The following PMPCB variants were observed in gnomAD, a reference collection of about 807,000 sequenced individuals.
The protein encoded by PMPCB is peptidase, mitochondrial processing subunit beta.
A neutral mutation model predicts 61.5 loss-of-function variants in PMPCB; 46 were observed. The observed-to-expected ratio is 0.75, with a 90% confidence interval of 0.59 to 0.96. The LOEUF (loss-of-function observed/expected upper bound fraction) is 0.96. Among genes scored for constraint, PMPCB ranks in the 40% least tolerant of loss-of-function variants. The pLI is 0.00. For synonymous variants in PMPCB, 191 were observed against 201.6 expected (o/e 0.95, Z 0.44); for missense variants, 590 against 602.4 (o/e 0.98, Z 0.22).
chr7:103,328,645 G>C (rs1237902970), intron 12 of PMPCB, among the ~76,000 whole-genome samples: 1 of 151,794 alleles, frequency 6.6e-6, no homozygotes, highest in Non-Finnish European at 1.5e-5. Context: ...AGAAGAAGAA[G>C]AAAAAAACAA....
chr7:103,332,744 C>T (rs1819024820), downstream of PMPCB, among the ~76,000 whole-genome samples: 1 of 152,014 alleles, frequency 6.6e-6, no homozygotes, highest in South Asian at 2.1e-4. Context: ...CTATCTCAGC[C>T]TTCTGAGCAG....
intron 12 of PMPCB, among the ~76,000 whole-genome samples, chr7:103,328,021 A>G (rs1009874922): frequency 6.6e-6 from 1 of 152,038 alleles, no homozygotes; most frequent in Admixed American, 6.6e-5. Flanking sequence ...CCCGGGTTCA[A>G]GCGATTCTCC....
At chr7:103,344,877 G>A in the PMPCB span, 1 of 579,590 alleles carries the variant, frequency 1.7e-6, no homozygotes, top group Non-Finnish European at 3.1e-6. Flanking sequence ...TCCGGCTGGA[G>A]ACCAAGTCGC....
intron 4 of PMPCB, among the ~76,000 whole-genome samples, chr7:103,303,423 T>G (rs1817500394): frequency 6.6e-6 from 1 of 152,242 alleles, no homozygotes; most frequent in Admixed American, 6.5e-5. Context: ...GTTCTTTGCT[T>G]CTTAACATAG....
At chr7:103,301,227 G>A (rs1048929627) in intron 4 of PMPCB, among the ~76,000 whole-genome samples, 1 of 152,182 alleles carries the variant, frequency 6.6e-6, no homozygotes, top group African/African-American at 2.4e-5. Context: ...ACTCAAGTGC[G>A]TGTCTTCTTA....
the PMPCB span, among the ~76,000 whole-genome samples, chr7:103,343,297 A>T: frequency 1.3e-5 from 2 of 152,208 alleles, no homozygotes; most frequent in African/African-American, 4.8e-5. Context: ...CACCGCACCC[A>T]GACAACTCAA....
chr7:103,340,385 C>G, the PMPCB span, among the ~76,000 whole-genome samples: 1 of 152,178 alleles, frequency 6.6e-6, no homozygotes, highest in African/African-American at 2.4e-5. Context: ...TGAGTGCTTA[C>G]TTTTCTAAAT....
At chr7:103,338,234 C>T in the PMPCB span, among the ~76,000 whole-genome samples, 1 of 148,794 alleles carries the variant, frequency 6.7e-6, no homozygotes, top group Non-Finnish European at 1.5e-5. Context: ...CATGCCACTG[C>T]ACTCCAGGAT....
chr7:103,328,715 G>A (rs111848418), intron 12 of PMPCB, among the ~76,000 whole-genome samples: 13 of 152,090 alleles, frequency 8.5e-5, no homozygotes, highest in African/African-American at 2.7e-4. Context: ...ACATTATAGC[G>A]TTTGCATTTT....
chr7:103,330,683 C>T (rs1249014362), downstream of PMPCB, among the ~76,000 whole-genome samples: 2 of 151,588 alleles, frequency 1.3e-5, no homozygotes, highest in Non-Finnish European at 2.9e-5. Context: ...AACTCCTGAC[C>T]TCGTGATCTG....
chr7:103,317,656 C>A (rs865936780), downstream of PMPCB, among the ~76,000 whole-genome samples: 9 of 151,986 alleles, frequency 5.9e-5, no homozygotes, highest in Middle Eastern at 0.017. Context: ...CTTTTTCTTT[C>A]TTTCTTACTT....
chr7:103,343,639 T>A, the PMPCB span, among the ~76,000 whole-genome samples: 1 of 152,176 alleles, frequency 6.6e-6, no homozygotes, highest in African/African-American at 2.4e-5. Context: ...CATCTATTCC[T>A]GGGAAGTGGG....
chr7:103,332,352 T>C (rs761653853), downstream of PMPCB, among the ~76,000 whole-genome samples: 13 of 152,216 alleles, frequency 8.5e-5, no homozygotes, highest in Non-Finnish European at 1.2e-4. Flanking sequence ...TTTTTCATTA[T>C]ATTAATAGGA....
At chr7:103,328,587 C>T (rs1274409444) in intron 12 of PMPCB, among the ~76,000 whole-genome samples, 2 of 151,986 alleles carry the variant, frequency 1.3e-5, no homozygotes, top group Admixed American at 6.6e-5. Context: ...GCTGAGATGG[C>T]GCCACTGCAT....
In PMPCB at chr7:103,313,031, G is replaced by A; in HGVS notation, c.*760G>A. On this transcript the variant is annotated 3_prime_UTR_variant, in exon 13 of 13. Coordinates refer to ENST00000249269, the MANE Select transcript of PMPCB (RefSeq NM_004279.3). ...CCCATCTTTCAGGTGTATTTACTGG[G>A]TATGTTTTCAAAGCTTGTTCCAAAA... The A allele has an allele frequency of 2.5e-6, 4 of 1,613,908 alleles. No individual in the cohort carries two copies. The highest frequency in any genetic ancestry group is 1.3e-5 in the African/African-American group (1 of 75,000).
At chr7:103,298,371 C>T (rs1048254196) in intron 1 of PMPCB, among the ~76,000 whole-genome samples, 197 bp from the exon 2 acceptor site, 1 of 152,066 alleles carries the variant, frequency 6.6e-6, no homozygotes, top group Non-Finnish European at 1.5e-5. Context: ...TTTATAAACA[C>T]GTTGCTGGCT....
At position 103,310,660 on chromosome 7, in the gene PMPCB, A is replaced by G. The variant is rs977502195; in HGVS notation, c.1154+185A>G. The G allele has an allele frequency of 1.5e-4, 51 of 330,746 alleles. No homozygotes were observed. The East Asian group carries it at 2.9e-3, about 19-fold the overall frequency. The allele number at this position is 330,746 out of a possible 1,614,324, so 20.5% of individuals were successfully genotyped here. ...TCCTAAGTCTCAAGATGTGAAGCTGATTTATACTATAGAATTTTTTTTTTT... is the reference window on the plus strand; with the variant it reads ...TCCTAAGTCTCAAGATGTGAAGCTGGTTTATACTATAGAATTTTTTTTTTT... On this transcript the variant is annotated intron_variant, in intron 9 of 12. Transcript: ENST00000249269.
Position 103,307,788 on chromosome 7 carries a change from T to G in PMPCB, c.849+80T>G. ...TACACATAAGTAAACAAAATGTGCA[T>G]ATTTCCAGTAGGAAAAGAATGGAAT... On this transcript the variant is annotated intron_variant, in intron 7 of 12. Coordinates refer to ENST00000249269, the MANE Select transcript of PMPCB (RefSeq NM_004279.3). The G allele has an allele frequency of 5.2e-6, 4 of 764,802 alleles. No individual in the cohort carries two copies. The South Asian group carries it at 5.9e-5, about 11-fold the overall frequency. 47.4% of individuals were successfully genotyped at this position (764,802 alleles called of 1,614,324 possible).
At chr7:103,340,857 A>C in the PMPCB span, among the ~76,000 whole-genome samples, 5 of 152,258 alleles carry the variant, frequency 3.3e-5, no homozygotes, top group Non-Finnish European at 7.4e-5. Flanking sequence ...CATCTACTAG[A>C]CAGCTTCACC....
Sources: allele counts gnomAD v4.1 joint callset (sites outside exome capture counted in the v4.1 genomes callset), GRCh38; gene constraint gnomAD v4.1.1; transcripts MANE v1.5; gene names NCBI Gene and HGNC (gene_info 2026-07-23, HGNC 2026-07-21).